RNF150: variants seen among roughly 807,000 people sequenced by gnomAD.
The protein encoded by RNF150 is ring finger protein 150.
A neutral mutation model predicts 39.3 loss-of-function variants in RNF150; 24 were observed. That is an observed-to-expected ratio of 0.61 (90% CI 0.44 to 0.86). RNF150 has a LOEUF of 0.86. Among genes scored for constraint, RNF150 ranks in the 40% least tolerant of loss-of-function variants. RNF150 has a pLI of 0.00. For synonymous variants in RNF150, 255 were observed against 227.3 expected (o/e 1.12, Z -1.10); for missense variants, 502 against 587.8 (o/e 0.85, Z 1.51).
intron 6 of RNF150, among the ~76,000 whole-genome samples, chr4:140,882,973 C>T (rs993304412): frequency 2.0e-5 from 3 of 151,614 alleles, no homozygotes; most frequent in Non-Finnish European, 4.4e-5. Flanking sequence ...CTCTTTTTCC[C>T]TCTCTTGCTG....
chr4:140,928,755 C>G (rs571818137), intron 4 of RNF150, among the ~76,000 whole-genome samples: 81 of 152,218 alleles, frequency 5.3e-4, no homozygotes, highest in African/African-American at 1.9e-3. Flanking sequence ...ACTGTGTTAG[C>G]CAGGATGGTC....
chr4:140,870,456 A>ATGTGTGTGTGTGTGTGTGTG (rs36234235), intron 6 of RNF150, among the ~76,000 whole-genome samples: 1 of 147,722 alleles, frequency 6.8e-6, no homozygotes, highest in African/African-American at 2.5e-5. Context: ...TTGTGCGTGT[A>ATGTGTGTGTGTGTGTGTGTG]TGTGTGTGTG....
chr4:140,953,106 T>A (rs1254134584), intron 2 of RNF150, among the ~76,000 whole-genome samples: 3 of 152,348 alleles, frequency 2.0e-5, no homozygotes, highest in African/African-American at 7.2e-5. Context: ...CTTATTGGAC[T>A]ACTGCATATG....
At chr4:141,198,216 G>A (rs376334527) in intron 1 of RNF150, among the ~76,000 whole-genome samples, 5 of 151,784 alleles carry the variant, frequency 3.3e-5, no homozygotes, top group South Asian at 2.1e-4. Flanking sequence ...TAGTAGAGAC[G>A]CGGTTTCACC....
intron 2 of RNF150, among the ~76,000 whole-genome samples, chr4:140,965,486 G>A (rs6823805): frequency 1 from 152,259 of 152,260 alleles, 76,129 homozygotes; most frequent in Non-Finnish European, 1. Context: ...ATAGGGAAGC[G>A]ACCTAAGTGT....
rs764280294 is a variant in RNF150 at position 140,967,799 on chromosome 4, T to A, written c.559A>T (p.Ile187Phe). The change falls in exon 2 of 7, where the codon ATC becomes TTC. Residue 187 changes from isoleucine to phenylalanine, a missense_variant. Ile to Phe is a conservative substitution (Grantham distance 21). Transcript: ENST00000515673. ...ATGGTGATGTACATTGTCACGGTGATGTTTCTTTCCAGCAGGCTTACTATC... is the reference window on the plus strand; with the variant it reads ...ATGGTGATGTACATTGTCACGGTGAAGTTTCTTTCCAGCAGGCTTACTATC... ...KEIVSLLERN[I>F]TVTMYITIGT... The A allele has an allele frequency of 3.1e-6, 5 of 1,613,568 alleles. No individual in the cohort carries two copies. Among genetic ancestry groups the A allele is most frequent in the Non-Finnish European group, 4.2e-6 (5 of 1,179,644 alleles).
At chr4:140,973,605 G>A (rs925995464) in intron 1 of RNF150, among the ~76,000 whole-genome samples, 5 of 152,008 alleles carry the variant, frequency 3.3e-5, no homozygotes, top group African/African-American at 1.2e-4. Context: ...TGCCGGGCAT[G>A]GTGGCTCATG....
intron 2 of RNF150, among the ~76,000 whole-genome samples, chr4:140,965,363 T>C (rs896715302): frequency 1.3e-5 from 2 of 152,000 alleles, no homozygotes; most frequent in East Asian, 1.9e-4. Flanking sequence ...AGAACTACCA[T>C]TGAAGATTTA....
At chr4:141,017,242 ACTC>A (rs1269549992) in intron 1 of RNF150, among the ~76,000 whole-genome samples, 2 of 152,054 alleles carry the variant, frequency 1.3e-5, no homozygotes, top group Non-Finnish European at 2.9e-5. Flanking sequence ...CTTTTCCTAA[ACTC>A]CTACTTCTGT....
chr4:141,114,767 C>A (rs550274469), intron 1 of RNF150, among the ~76,000 whole-genome samples: 1 of 152,120 alleles, frequency 6.6e-6, no homozygotes, highest in African/African-American at 2.4e-5. Flanking sequence ...AAACCAAATC[C>A]AGCAGGACAT....
At chr4:141,044,890 G>T (rs1736510727) in intron 1 of RNF150, among the ~76,000 whole-genome samples, 1 of 152,138 alleles carries the variant, frequency 6.6e-6, no homozygotes, top group African/African-American at 2.4e-5. Context: ...ATCTGTTTTG[G>T]TCTGGGAATA....
rs1315242471 is a variant in RNF150, at chr4:141,191,110, G to GC, written c.-6+21683dup. On this transcript the variant is annotated intron_variant, in intron 1 of 7. Transcript: ENST00000420921. ...GATGGGTCCTTAAATCCATGCAGTGGCCACTAGTCCCTCACTGGTGTCAGC... is the reference window on the plus strand; with the variant it reads ...GATGGGTCCTTAAATCCATGCAGTGGCCCACTAGTCCCTCACTGGTGTCAGC... 2.0e-5 allele frequency among the ~76,000 whole-genome samples: 3 copies of GC among 152,264 alleles called. No homozygotes were observed. In the East Asian group the frequency reaches 5.8e-4, roughly 29 times the overall value.
At position 141,192,862 on chromosome 4, in the gene RNF150, C is replaced by G. The variant is rs1050497247; in HGVS notation, c.-6+19932G>C. 5.9e-5 allele frequency among the ~76,000 whole-genome samples: 9 copies of G among 152,192 alleles called. No individual in the cohort carries two copies. In the East Asian group the frequency reaches 1.7e-3, roughly 29 times the overall value. On this transcript the variant is annotated intron_variant, in intron 1 of 7. Coordinates refer to the RNF150 transcript ENST00000420921. ...CTCACTTGATGTTGCTCAAGCATGC[C>G]AGGCAAGCTTCCAACTCAGGGCCTT...
At chr4:141,158,853 C>A in intron 1 of RNF150, among the ~76,000 whole-genome samples, 1 of 151,702 alleles carries the variant, frequency 6.6e-6, no homozygotes, top group East Asian at 1.9e-4. Flanking sequence ...CCTGAACCAT[C>A]CTTCCAATTT....
chr4:141,071,394 G>A (rs933047729), intron 1 of RNF150, among the ~76,000 whole-genome samples: 4 of 151,686 alleles, frequency 2.6e-5, no homozygotes, highest in Non-Finnish European at 4.4e-5. Flanking sequence ...AAAAAAAAAT[G>A]GAATAAGAAA....
intron 5 of RNF150, among the ~76,000 whole-genome samples, chr4:140,916,436 AGG>A (rs2111289864): frequency 6.6e-6 from 1 of 152,356 alleles, no homozygotes; most frequent in African/African-American, 2.4e-5. Context: ...ACTGGAAGAA[AGG>A]GTATCAGCGA....
intron 4 of RNF150, among the ~76,000 whole-genome samples, chr4:140,930,054 G>T (rs971953414): frequency 6.6e-6 from 1 of 152,228 alleles, no homozygotes; most frequent in East Asian, 1.9e-4. Flanking sequence ...CCAGCTACTT[G>T]GGAGGCTGAC....
At chr4:141,104,326 C>T (rs1739126213) in intron 1 of RNF150, among the ~76,000 whole-genome samples, 1 of 152,200 alleles carries the variant, frequency 6.6e-6, no homozygotes, top group Admixed American at 6.5e-5. Flanking sequence ...CAATTGCTTA[C>T]AACATCACTT....
chr4:141,194,117 C>T (rs1728159192), intron 1 of RNF150, among the ~76,000 whole-genome samples: 1 of 152,136 alleles, frequency 6.6e-6, no homozygotes, highest in South Asian at 2.1e-4. Flanking sequence ...GGCAAATACC[C>T]ACAGAAAGTT....
Sources: allele counts gnomAD v4.1 joint callset (sites outside exome capture counted in the v4.1 genomes callset), GRCh38; gene constraint gnomAD v4.1.1; transcripts MANE v1.5; gene names NCBI Gene and HGNC (gene_info 2026-07-23, HGNC 2026-07-21).